Variants in NOS1 observed in about 807,000 individuals in gnomAD.
NOS1 encodes the protein nitric oxide synthase 1.
A neutral mutation model predicts 164.5 loss-of-function variants in NOS1; 51 were observed. That is an observed-to-expected ratio of 0.31 (90% CI 0.25 to 0.39). The LOEUF (loss-of-function observed/expected upper bound fraction) is 0.39, where lower values mean the gene tolerates loss of function less well. NOS1 is among the 10% of genes least tolerant of loss of function. The probability of loss-of-function intolerance (pLI) is 1.00; values close to 1 mark genes in which losing one functional copy is unlikely to be tolerated. For synonymous variants in NOS1, 719 were observed against 745.8 expected (o/e 0.96, Z 0.59); for missense variants, 1,362 against 1,885.6 (o/e 0.72, Z 5.14).
chr12:117,226,610 C>A, intron 24 of NOS1, 73 bp downstream of exon 24: 2 of 1,370,136 alleles, frequency 1.5e-6, no homozygotes, highest in Non-Finnish European at 2.1e-6. Context: ...TCAGACTGGT[C>A]CACCTACCCC....
At position 117,260,384 on chromosome 12, in the gene NOS1, T is replaced by G. The variant is rs9658424; in HGVS notation, c.2367+81A>C. On this transcript the variant is annotated intron_variant, in intron 14 of 28. Coordinates refer to ENST00000317775, the MANE Select transcript of NOS1 (RefSeq NM_000620.5). ...CTTTCATCCTTTGCCAAAGGCTTCTTCTCTGTTGACTTCCCTCTCTCCCCT... is the reference window on the plus strand; with the variant it reads ...CTTTCATCCTTTGCCAAAGGCTTCTGCTCTGTTGACTTCCCTCTCTCCCCT... 7,022 of 1,532,656 alleles carry G rather than the reference T, an allele frequency of 4.6e-3. 234 individuals carry two copies. The African/African-American group carries it at 0.08, about 17-fold the overall frequency. The allele number at this position is 1,532,656 out of a possible 1,614,324, so 94.9% of individuals were successfully genotyped here.
chr12:117,348,799 A>T (rs1364274870), intron 1 of NOS1, among the ~76,000 whole-genome samples: 1 of 152,194 alleles, frequency 6.6e-6, no homozygotes, highest in Non-Finnish European at 1.5e-5. Flanking sequence ...GGAGACAAGG[A>T]AAGACTGACA....
At chr12:117,343,188 C>A (rs775145800) in intron 1 of NOS1, among the ~76,000 whole-genome samples, 1 of 148,314 alleles carries the variant, frequency 6.7e-6, no homozygotes, top group African/African-American at 2.5e-5. Flanking sequence ...AAATTAACTA[C>A]GATTGTGCCA....
In NOS1 at chr12:117,330,992, C is replaced by A; in HGVS notation, c.78G>T (p.Gly26=). ...GCTCCTTCACCAGAAATCCCAGGCC[C>A]CCAACTTTGCGCTTGAAGAGACGAA... ...ISVRLFKRKV[G]GLGFLVKERV... The change falls in exon 2 of 29, where the codon GGG becomes GGT. Residue 26 remains glycine (G), a synonymous_variant. Transcript: ENST00000317775. The surrounding 1 kb of genome is among the most constrained non-coding windows in gnomAD (Gnocchi z 4.6). 6.2e-7 allele frequency: 1 copy of A among 1,614,198 alleles called. No homozygotes were observed. Among genetic ancestry groups the A allele is most frequent in the Non-Finnish European group, 8.5e-7 (1 of 1,180,034 alleles).
intron 13 of NOS1, among the ~76,000 whole-genome samples, chr12:117,262,487 G>C (rs1230675855): frequency 9.1e-6 from 1 of 109,832 alleles, no homozygotes; most frequent in Non-Finnish European, 1.8e-5. Flanking sequence ...AAGGGGGAGG[G>C]GGAGAGAGAG....
intron 1 of NOS1, among the ~76,000 whole-genome samples, chr12:117,346,027 C>T (rs1876334254): frequency 6.6e-6 from 1 of 152,228 alleles, no homozygotes; most frequent in Non-Finnish European, 1.5e-5. Context: ...AGGGCCCATG[C>T]CGTGTTTGGA....
chr12:117,264,915 G>T (rs561429510), intron 12 of NOS1, among the ~76,000 whole-genome samples: 2 of 151,956 alleles, frequency 1.3e-5, no homozygotes, highest in South Asian at 4.2e-4. Flanking sequence ...TGTTGGCCAG[G>T]CTGGTCTCGA....
chr12:117,279,496 C>A (rs1308404291), intron 8 of NOS1, among the ~76,000 whole-genome samples: 2 of 152,210 alleles, frequency 1.3e-5, no homozygotes, highest in Admixed American at 6.5e-5. Context: ...GGACTGGCCA[C>A]ATTTCAAGTG....
In NOS1 at chr12:117,222,469, G is replaced by C. The variant is rs532439797; in HGVS notation, c.3975+246C>G. On this transcript the variant is annotated intron_variant, in intron 26 of 28. Coordinates refer to ENST00000317775, the MANE Select transcript of NOS1 (RefSeq NM_000620.5). ...GGGTTTCACCATGTTGGCCAGGCTGGTCTCCAACTCCTGACCTCAAGTGAT... is the reference window on the plus strand; with the variant it reads ...GGGTTTCACCATGTTGGCCAGGCTGCTCTCCAACTCCTGACCTCAAGTGAT... Among the ~76,000 whole-genome samples the C allele has an allele frequency of 2.0e-5, 3 of 152,216 alleles. No individual in the cohort carries two copies. In the South Asian group the frequency reaches 6.2e-4, roughly 32 times the overall value.
chr12:117,242,790 C>T, intron 19 of NOS1, 85 bp from the exon 20 acceptor site: 1 of 1,194,264 alleles, frequency 8.4e-7, no homozygotes, highest in South Asian at 1.2e-5. Context: ...GTGGCTCACG[C>T]CCATAATCCC....
chr12:117,310,524 T>A (rs1874376893), intron 3 of NOS1, among the ~76,000 whole-genome samples: 1 of 152,226 alleles, frequency 6.6e-6, no homozygotes, highest in South Asian at 2.1e-4. Context: ...TGTCAATGCA[T>A]AAAACACGGC....
At position 117,262,115 on chromosome 12, in the gene NOS1, G is replaced by A. The variant is rs9658413; in HGVS notation, c.2223-1506C>T. Among the ~76,000 whole-genome samples the A allele has an allele frequency of 3.8e-3, 578 of 152,314 alleles. 12 individuals carry two copies. The highest frequency in any genetic ancestry group is 0.012 in the African/African-American group (514 of 41,564). On this transcript the variant is annotated intron_variant, in intron 13 of 28. Transcript: ENST00000317775. ...ATCAGGGAAACCGCCCACGATGCAG[G>A]AAGACTTAGCTAAGGGGAAGAAACA...
chr12:117,312,389 C>T (rs987093443), intron 2 of NOS1, among the ~76,000 whole-genome samples: 3 of 150,896 alleles, frequency 2.0e-5, no homozygotes, highest in Non-Finnish European at 4.4e-5. Flanking sequence ...GTGCATTTAA[C>T]TCTTGTGACA....
At position 117,329,481 on chromosome 12, in the gene NOS1, C is replaced by T. The variant is rs529191954; in HGVS notation, c.725+864G>A. ...CCCTCTGGGTATACCTAGACCCACC[C>T]TGGCAGCACTGGGGGCTGTAACGTC... On this transcript the variant is annotated intron_variant, in intron 2 of 28. Coordinates refer to ENST00000317775, the MANE Select transcript of NOS1 (RefSeq NM_000620.5). 7.2e-5 allele frequency among the ~76,000 whole-genome samples: 11 copies of T among 152,192 alleles called. No individual in the cohort carries two copies. The South Asian group carries it at 2.1e-3, about 29-fold the overall frequency.
In NOS1 at chr12:117,288,067, C is replaced by A; in HGVS notation, c.1127+7G>T. ...CCTCGGGCTCCCCGGAATTGACACACACTTGCCTTTTAATTGATGAATAGT... is the reference window on the plus strand; with the variant it reads ...CCTCGGGCTCCCCGGAATTGACACAAACTTGCCTTTTAATTGATGAATAGT... On this transcript the variant is annotated splice_region_variant and intron_variant, in intron 5 of 28. Coordinates refer to ENST00000317775, the MANE Select transcript of NOS1 (RefSeq NM_000620.5). The A allele has an allele frequency of 1.9e-6, 3 of 1,613,858 alleles. No individual in the cohort carries two copies. Among genetic ancestry groups the A allele is most frequent in the Non-Finnish European group, 1.7e-6 (2 of 1,179,738 alleles).
Position 117,288,193 on chromosome 12 carries a change from G to A in NOS1, c.1008C>T (p.Cys336=), listed in dbSNP as rs754209432. The A allele has an allele frequency of 1.2e-6, 2 of 1,613,762 alleles. No individual in the cohort carries two copies. Among genetic ancestry groups the A allele is most frequent in the Non-Finnish European group, 1.7e-6 (2 of 1,180,000 alleles). ...GAGAAGGATGCATGATGGAGCCCATGCAGATGTACTCAGTGCATCCCGTTT... is the reference window on the plus strand; with the variant it reads ...GAGAAGGATGCATGATGGAGCCCATACAGATGTACTCAGTGCATCCCGTTT... The part of the protein sequence containing the change: ...TLETGCTEYI[C]MGSIMHPSQH... Residue 336 remains cysteine (C), a synonymous_variant, in exon 5 of 29, where the codon TGC becomes TGT. Transcript: ENST00000317775.
At chr12:117,215,347 G>T in intron 28 of NOS1, 23 bp from the exon 29 acceptor site, 1 of 1,521,912 alleles carries the variant, frequency 6.6e-7, no homozygotes, top group Non-Finnish European at 8.8e-7. Context: ...AAGTTGGGGG[G>T]CAGTTAGTGC....
chr12:117,340,799 C>G (rs1338655639), intron 1 of NOS1, among the ~76,000 whole-genome samples: 3 of 151,538 alleles, frequency 2.0e-5, no homozygotes, highest in African/African-American at 7.3e-5. Flanking sequence ...TCTTGGCTTA[C>G]TGCAACCTCT....
At position 117,227,459 on chromosome 12, in the gene NOS1, A is replaced by G. The variant is rs9658501; in HGVS notation, c.3588T>C (p.Thr1196=). The G allele has an allele frequency of 0.013, 20,417 of 1,613,806 alleles. 274 individuals carry two copies. The highest frequency in any genetic ancestry group is 0.073 in the East Asian group (3,285 of 44,862). Residue 1196 remains threonine, a synonymous_variant, in exon 23 of 29, where the codon ACT becomes ACC. Coordinates refer to ENST00000317775, the MANE Select transcript of NOS1 (RefSeq NM_000620.5). ...GAGTGCGGTAGGAAACGATGGCCAC[A>G]GTGAGGTGCACTTCATCAGGGTACA... The part of the protein sequence containing the change: ...PDMYPDEVHL[T]VAIVSYRTRD...
Sources: allele counts gnomAD v4.1 joint callset (sites outside exome capture counted in the v4.1 genomes callset), GRCh38; gene constraint gnomAD v4.1.1; non-coding constraint Gnocchi (gnomAD v3.1); transcripts MANE v1.5; gene names NCBI Gene and HGNC (gene_info 2026-07-23, HGNC 2026-07-21).